The following PSG9 variants were observed in gnomAD, a reference collection of about 807,000 sequenced individuals.
PSG9 encodes the protein pregnancy-specific beta-1-glycoprotein 9.
Under a neutral mutation model 41.9 loss-of-function variants are expected in PSG9, and 49 were observed. The ratio of observed to expected loss-of-function variants is 1.17; its 90% CI spans 0.93 to 1.48. The LOEUF (loss-of-function observed/expected upper bound fraction) is 1.48. PSG9 is among the 40% of genes most tolerant of loss of function. The pLI, the probability that PSG9 is intolerant of heterozygous loss-of-function variation, is 0.00. For missense variants in PSG9, 641 were observed against 520.3 expected (o/e 1.23, Z -2.26); for synonymous variants, 263 against 196.8 (o/e 1.34, Z -2.82).
At chr19:43,261,084 C>T (rs1256180498) in intron 3 of PSG9, among the ~76,000 whole-genome samples, 1 of 152,048 alleles carries the variant, frequency 6.6e-6, no homozygotes, top group Non-Finnish European at 1.5e-5. Context: ...GGAGCAGAAA[C>T]ATATTCCCTA....
chr19:43,261,817 T>G (rs1968727135), intron 3 of PSG9, 43 bp downstream of exon 3: 1 of 1,613,854 alleles, frequency 6.2e-7, no homozygotes, highest in African/African-American at 1.3e-5. Context: ...CCATGTGTAT[T>G]TGGGATGGCA....
intron 2 of PSG9, among the ~76,000 whole-genome samples, chr19:43,262,466 G>A (rs542146910): frequency 1.3e-5 from 2 of 152,126 alleles, no homozygotes; most frequent in African/African-American, 4.8e-5. Flanking sequence ...GGCCCAACTT[G>A]TGGTCCTCAC....
At chr19:43,258,489 T>G in intron 4 of PSG9, 33 bp from the exon 5 acceptor site, 1 of 1,530,726 alleles carries the variant, frequency 6.5e-7, no homozygotes. Context: ...ACACGTGATG[T>G]CATTCGAGGG....
intron 1 of PSG9, among the ~76,000 whole-genome samples, chr19:43,269,100 G>A (rs758484304): frequency 2.0e-5 from 3 of 151,948 alleles, no homozygotes; most frequent in Non-Finnish European, 4.4e-5. Flanking sequence ...TGCCTCCCGG[G>A]TTCACATGAT....
intron 5 of PSG9, among the ~76,000 whole-genome samples, chr19:43,255,114 AAAAAAAG>A (rs1286432401): frequency 1.5e-5 from 2 of 132,000 alleles, no homozygotes; most frequent in Non-Finnish European, 3.1e-5. Flanking sequence ...CCAAAAAAAA[AAAAAAAG>A]AAAGAAAGAA....
intron 5 of PSG9, among the ~76,000 whole-genome samples, chr19:43,255,065 TG>T (rs1227407713): frequency 7.3e-6 from 1 of 137,458 alleles, no homozygotes; most frequent in Non-Finnish European, 1.5e-5. Context: ...TATTCCATCC[TG>T]GGCTGGCCTA....
At position 43,269,498 on chromosome 19, in the gene PSG9, G is replaced by C; in HGVS notation, c.-67C>G. 1.9e-6 allele frequency: 3 copies of C among 1,596,282 alleles called. No individual in the cohort carries two copies. The highest frequency in any genetic ancestry group is 1.7e-6 in the Non-Finnish European group (2 of 1,166,402). On this transcript the variant is annotated 5_prime_UTR_variant, in exon 1 of 6. Coordinates refer to ENST00000270077, the MANE Select transcript of PSG9 (RefSeq NM_002784.5). ...TGGGATCCAGAAGCTGTCTGAGCAC[G>C]GCTGTCAGCTGTGCTGTCCTTCCTC...
chr19:43,259,040 A>G lies in PSG9; in HGVS notation c.805T>C (p.Tyr269His), dbSNP rs771780494. 2.6e-5 allele frequency: 42 copies of G among 1,590,724 alleles called. 8 individuals are homozygous for G. In the Admixed American group the frequency reaches 6.1e-4, roughly 23 times the overall value. Residue 269 changes from tyrosine (Y) to histidine (H), a missense_variant, in exon 4 of 6, where the codon TAC becomes CAC. Tyr to His is a moderately conservative substitution (Grantham distance 83). Coordinates refer to ENST00000270077, the MANE Select transcript of PSG9 (RefSeq NM_002784.5). ...CCGTTTAGCCACCAAATGTAGGTGTAGTTCTCACTCTTAGGTTCACAGGTG... is the reference window on the plus strand; with the variant it reads ...CCGTTTAGCCACCAAATGTAGGTGTGGTTCTCACTCTTAGGTTCACAGGTG... ...AFTCEPKSEN[Y>H]TYIWWLNGQS...
intron 5 of PSG9, chr19:43,257,758 C>G: frequency 8.0e-7 from 1 of 1,249,006 alleles, no homozygotes; most frequent in Non-Finnish European, 1.0e-6. Context: ...TCCTCCCTCA[C>G]CCAAGGGGCT....
At chr19:43,264,310 A>C (rs1968864000) in intron 2 of PSG9, among the ~76,000 whole-genome samples, 1 of 152,132 alleles carries the variant, frequency 6.6e-6, no homozygotes, top group Non-Finnish European at 1.5e-5. Flanking sequence ...GAAGTTGAAT[A>C]TGTTGTTCCA....
intron 4 of PSG9, 133 bp downstream of exon 4, chr19:43,258,724 G>C: frequency 6.9e-7 from 1 of 1,439,236 alleles, no homozygotes; most frequent in South Asian, 1.4e-5. Flanking sequence ...CCAGGGCAGG[G>C]AGTCATGGCC....
chr19:43,263,449 A>G (rs1347134287), intron 2 of PSG9, among the ~76,000 whole-genome samples: 2 of 152,142 alleles, frequency 1.3e-5, no homozygotes, highest in African/African-American at 4.8e-5. Context: ...TTTTAGCATC[A>G]CATCAGTGGT....
In PSG9 at chr19:43,258,886, C is replaced by T. The variant is rs138569314; in HGVS notation, c.959G>A (p.Arg320His). 5.2e-4 allele frequency: 821 copies of T among 1,586,118 alleles called. 64 individuals are homozygous for T. The highest frequency in any genetic ancestry group is 1.5e-3 in the South Asian group (138 of 89,590). Residue 320 changes from arginine to histidine, a missense_variant, in exon 4 of 6, where the codon CGC becomes CAC. Transcript: ENST00000270077. ...CEIRDRYGGL[R>H]SNPVILNVLY... ...GACATTTAGGATGACTGGGTTACTG[C>T]GGAGGCCACCATATCGGTCCCGTAT...
At position 43,263,778 on chromosome 19, in the gene PSG9, G is replaced by T. The variant is rs533105236; in HGVS notation, c.431-1640C>A. 1.5e-3 allele frequency among the ~76,000 whole-genome samples: 234 copies of T among 152,152 alleles called. 1 individual carries two copies. Among genetic ancestry groups the T allele is most frequent in the African/African-American group, 4.7e-3 (194 of 41,518 alleles). On this transcript the variant is annotated intron_variant, in intron 2 of 5. Transcript: ENST00000270077. ...TCAAAGAAAGATGCCAAAGGTGATT[G>T]GAAATTAGCAGCTCCTTAAGTAGAG...
chr19:43,255,727 G>T (rs1968422086), intron 5 of PSG9, among the ~76,000 whole-genome samples: 1 of 146,064 alleles, frequency 6.8e-6, no homozygotes, highest in African/African-American at 2.6e-5. Context: ...AATCTGAAGG[G>T]AAATTAAGAA....
At chr19:43,263,940 T>C (rs1968846176) in intron 2 of PSG9, among the ~76,000 whole-genome samples, 1 of 152,136 alleles carries the variant, frequency 6.6e-6, no homozygotes, top group African/African-American at 2.4e-5. Flanking sequence ...CTGTGCAGAA[T>C]TAGGAAAAAT....
rs780348567 is a variant in PSG9 at position 43,269,408 on chromosome 19, G to A, written c.24C>T (p.Ser8=). Residue 8 remains serine, a synonymous_variant, in exon 1 of 6, where the codon TCC becomes TCT. Coordinates refer to ENST00000270077, the MANE Select transcript of PSG9 (RefSeq NM_002784.5). ...CCTTCCAGGTGATGCGCTGTGTGCA[G>A]GAAGGGGCTGGGAGGGGCCCCATGG... is the stretch of plus-strand genomic sequence containing the variant. The part of the protein sequence containing the change: MGPLPAP[S]CTQRITWKGL... The A allele has an allele frequency of 3.7e-5, 60 of 1,613,586 alleles. No individual in the cohort carries two copies. The Admixed American group carries it at 1.0e-3, about 27-fold the overall frequency.
At chr19:43,269,074 G>A (rs143807527) in intron 1 of PSG9, among the ~76,000 whole-genome samples, 1,709 of 151,842 alleles carry the variant, frequency 0.011, 28 homozygotes, top group African/African-American at 0.039. Flanking sequence ...GCGGTATCTC[G>A]GCTAGCTGCA....
intron 2 of PSG9, among the ~76,000 whole-genome samples, chr19:43,263,585 T>C (rs774450347): frequency 1.6e-4 from 22 of 141,758 alleles, no homozygotes; most frequent in Non-Finnish European, 2.8e-4. Context: ...GTTCTGACTC[T>C]AGTAACAAAA....
Sources: gnomAD v4.1 joint callset for allele counts (sites outside exome capture counted in the v4.1 genomes callset) on GRCh38, gnomAD v4.1.1 for gene constraint, MANE v1.5 for transcripts, NCBI Gene and HGNC (gene_info 2026-07-23, HGNC 2026-07-21) for gene names.